The following DMD variants were observed in gnomAD, a reference collection of about 807,000 sequenced individuals.
DMD encodes the protein mutant dystrophin.
Under a neutral mutation model 330.1 loss-of-function variants are expected in DMD, and 63 were observed. That is an observed-to-expected ratio of 0.19 (90% CI 0.16 to 0.24). The LOEUF (loss-of-function observed/expected upper bound fraction) is 0.24, where lower values mean the gene tolerates loss of function less well. Among genes scored for constraint, DMD ranks in the 10% least tolerant of loss-of-function variants. DMD has a pLI of 1.00. For synonymous variants in DMD, 1,223 were observed against 959.8 expected (o/e 1.27, Z -5.07); for missense variants, 3,344 against 2,684.1 (o/e 1.25, Z -5.43).
intron 15 of DMD, among the ~76,000 whole-genome samples, chrX:32,567,253 CAT>C (rs1205704991): frequency 1.8e-5 from 2 of 112,383 alleles, no homozygotes; most frequent in Non-Finnish European, 3.8e-5. Context: ...ATTTAAGTTT[CAT>C]CTCTAATTTT....
At chrX:33,294,992 T>C (rs1208651598) in intron 1 of DMD, among the ~76,000 whole-genome samples, 2 of 110,973 alleles carry the variant, frequency 1.8e-5, no homozygotes, top group Admixed American at 9.7e-5. Flanking sequence ...AGTTAAAGCA[T>C]GGATTACGTT....
At chrX:33,309,586 A>C (rs2053817875) in intron 1 of DMD, among the ~76,000 whole-genome samples, 1 of 111,130 alleles carries the variant, frequency 9.0e-6, no homozygotes, top group African/African-American at 3.3e-5. Flanking sequence ...TTTTTACTGC[A>C]AAGAGATAGT....
chrX:32,158,842 ATTAACATGGT>A (rs2147239739), intron 44 of DMD, among the ~76,000 whole-genome samples: 1 of 112,212 alleles, frequency 8.9e-6, no homozygotes, highest in African/African-American at 3.2e-5. Flanking sequence ...GGCTGTCGAC[ATTAACATGGT>A]TTACCTTTCC....
intron 7 of DMD, among the ~76,000 whole-genome samples, chrX:32,767,520 A>C (rs769302130): frequency 3.6e-5 from 4 of 111,620 alleles, no homozygotes; most frequent in African/African-American, 1.3e-4. Context: ...TATCCAATTT[A>C]GAGTGTCAGA....
intron 51 of DMD, among the ~76,000 whole-genome samples, chrX:31,766,868 T>C (rs1420624527): frequency 1.0e-5 from 1 of 99,399 alleles, no homozygotes; most frequent in African/African-American, 3.9e-5. Flanking sequence ...TTAGAAAATA[T>C]GATTTTGTGT....
chrX:32,782,756 G>C lies in DMD; in HGVS notation c.649+26737C>G, dbSNP rs1426894203. Reference sequence around the variant, plus strand: ...TGCATTTGAAAATAACTTCAAGAGTGTAATTAGTTTATAACTCAAAGGATA... The same window carrying C: ...TGCATTTGAAAATAACTTCAAGAGTCTAATTAGTTTATAACTCAAAGGATA... On this transcript the variant is annotated intron_variant, in intron 7 of 78. Transcript: ENST00000357033. 3.6e-5 allele frequency among the ~76,000 whole-genome samples: 4 copies of C among 109,803 alleles called. No individual in the cohort carries two copies. In the East Asian group the frequency reaches 1.1e-3, roughly 31 times the overall value.
intron 2 of DMD, among the ~76,000 whole-genome samples, chrX:32,856,513 A>C (rs2081575060): frequency 8.9e-6 from 1 of 112,006 alleles, no homozygotes; most frequent in South Asian, 3.7e-4. Context: ...ATTTGCAACA[A>C]CGTGGATGGA....
chrX:32,780,884 G>T (rs772393398), intron 7 of DMD, among the ~76,000 whole-genome samples: 1 of 108,364 alleles, frequency 9.2e-6, no homozygotes, highest in Non-Finnish European at 1.9e-5. Flanking sequence ...GAGGTCAGGA[G>T]ATCGAGACCA....
At chrX:32,756,906 C>A (rs1446364584) in intron 7 of DMD, among the ~76,000 whole-genome samples, 1 of 111,591 alleles carries the variant, frequency 9.0e-6, no homozygotes, top group Non-Finnish European at 1.9e-5. Flanking sequence ...TATCCCTCCA[C>A]AGCTCATCAC....
At chrX:31,197,307 C>A (rs1324389164) in intron 67 of DMD, among the ~76,000 whole-genome samples, 1 of 111,917 alleles carries the variant, frequency 8.9e-6, no homozygotes, top group African/African-American at 3.2e-5. Context: ...AATGCTTTCT[C>A]ATTTATGTGT....
intron 12 of DMD, among the ~76,000 whole-genome samples, chrX:32,613,644 T>C (rs1481882066): frequency 1.8e-5 from 2 of 110,865 alleles, no homozygotes; most frequent in African/African-American, 3.3e-5. Context: ...ATCGTAGCCT[T>C]ATTATTTAAA....
At chrX:33,011,819 C>T in intron 2 of DMD, among the ~76,000 whole-genome samples, 1 of 111,493 alleles carries the variant, frequency 9.0e-6, no homozygotes, top group Non-Finnish European at 1.9e-5. Flanking sequence ...TGCTAGAAAG[C>T]AAAATAAAAT....
In DMD at chrX:32,411,834, T is replaced by C; in HGVS notation, c.4151A>G (p.Glu1384Gly). 1 of 1,211,058 alleles carries C rather than the reference T, an allele frequency of 8.3e-7. No individual in the cohort carries two copies. The highest frequency in any genetic ancestry group is 1.1e-6 in the Non-Finnish European group (1 of 895,030). ...ETEKSLHLIQ[E>G]SLTFIDKQLA... is the part of the protein sequence containing the mutation. ...CTGCTTGTCAATGAATGTGAGGGAC[T>C]CCTGGATTAAGTGTAAGGATTTTTC... Residue 1384 changes from glutamate to glycine, a missense_variant, in exon 30 of 79, where the codon GAG becomes GGG. Transcript: ENST00000357033.
chrX:32,421,919 G>A (rs756464415), intron 29 of DMD, among the ~76,000 whole-genome samples: 6 of 111,617 alleles, frequency 5.4e-5, no homozygotes, highest in Non-Finnish European at 9.4e-5. Flanking sequence ...ATTGTGGTTC[G>A]GGTGAGGGAG....
intron 44 of DMD, among the ~76,000 whole-genome samples, chrX:32,198,506 T>A (rs1223593964): frequency 1.8e-5 from 2 of 111,873 alleles, no homozygotes; most frequent in Non-Finnish European, 3.8e-5. Context: ...GTAAATGACT[T>A]TTTACCCAGT....
rs759706934 is a variant in DMD, at chrX:32,318,637, CA to C, written c.5923-8362del. Reference sequence around the variant, plus strand: ...AATTGCTTATGTGAAGCTATGTAACCAAAAAAAGGGCCTGTCCATCTCAGAA... The same window carrying C: ...AATTGCTTATGTGAAGCTATGTAACCAAAAAAGGGCCTGTCCATCTCAGAA... On this transcript the variant is annotated intron_variant, in intron 41 of 78. Transcript: ENST00000357033. 1.8e-3 allele frequency among the ~76,000 whole-genome samples: 200 copies of C among 110,380 alleles called. 2 individuals are homozygous for C. Among genetic ancestry groups the C allele is most frequent in the African/African-American group, 6.3e-3 (193 of 30,498 alleles).
At chrX:33,291,524 T>A (rs1267137423) in intron 1 of DMD, among the ~76,000 whole-genome samples, 1 of 111,702 alleles carries the variant, frequency 9.0e-6, no homozygotes, top group Non-Finnish European at 1.9e-5. Flanking sequence ...ACACTGATGT[T>A]CTCGTTATTT....
In DMD at chrX:31,669,337, G is replaced by A. The variant is rs745699745; in HGVS notation, c.7872+10038C>T. Reference sequence around the variant, plus strand: ...TGTAAGGTGACATCTCACTGCGATTGTAATATGCATTTCCCCAATGATTAG... The same window carrying A: ...TGTAAGGTGACATCTCACTGCGATTATAATATGCATTTCCCCAATGATTAG... On this transcript the variant is annotated intron_variant, in intron 53 of 78. Coordinates refer to ENST00000357033, the MANE Select transcript of DMD (RefSeq NM_004006.3). Among the ~76,000 whole-genome samples the A allele has an allele frequency of 2.7e-5, 3 of 112,020 alleles. No homozygotes were observed. In the East Asian group the frequency reaches 8.4e-4, roughly 31 times the overall value.
intron 7 of DMD, among the ~76,000 whole-genome samples, chrX:32,783,445 T>C (rs2075074220): frequency 9.3e-6 from 1 of 107,099 alleles, no homozygotes; most frequent in Admixed American, 1.0e-4. Flanking sequence ...AAAAATAAAT[T>C]GTTTCCCAAA....
Sources: allele counts gnomAD v4.1 joint callset (sites outside exome capture counted in the v4.1 genomes callset), GRCh38; gene constraint gnomAD v4.1.1; transcripts MANE v1.5; gene names NCBI Gene and HGNC (gene_info 2026-07-23, HGNC 2026-07-21).